GPM6A: variants seen among roughly 807,000 people sequenced by gnomAD.
GPM6A encodes the protein glycoprotein M6A.
In GPM6A, 7 loss-of-function variants were observed where a neutral mutation model predicts 32.1. That is an observed-to-expected ratio of 0.22 (90% CI 0.12 to 0.41). The LOEUF (loss-of-function observed/expected upper bound fraction) is 0.41. Ranked by LOEUF, GPM6A falls within the 10% of genes least tolerant of loss-of-function variation. The pLI is 1.00. For synonymous variants in GPM6A, 130 were observed against 123.4 expected (o/e 1.05, Z -0.35); for missense variants, 235 against 347.2 (o/e 0.68, Z 2.57).
At chr4:175,728,023 AAC>A (rs1207720485) in intron 1 of GPM6A, among the ~76,000 whole-genome samples, 1 of 151,496 alleles carries the variant, frequency 6.6e-6, no homozygotes, top group African/African-American at 2.4e-5. Flanking sequence ...AAAAAAAAAA[AAC>A]TTACCGGTTT....
chr4:175,867,931 G>A (rs1736791314), intron 1 of GPM6A, among the ~76,000 whole-genome samples: 1 of 152,172 alleles, frequency 6.6e-6, no homozygotes, highest in Non-Finnish European at 1.5e-5. Context: ...GTGCTCTCAT[G>A]TATTTCAAAA....
rs1244381431 is a variant in GPM6A, at chr4:175,881,294, A to G, written c.-22-69045T>C. 2.0e-5 allele frequency among the ~76,000 whole-genome samples: 3 copies of G among 152,348 alleles called. No homozygotes were observed. In the East Asian group the frequency reaches 5.8e-4, roughly 29 times the overall value. On this transcript the variant is annotated intron_variant, in intron 1 of 7. Coordinates refer to the GPM6A transcript ENST00000280187. ...AAATGCAAATCAAAACCACAGTGAG[A>G]TATCATCTCACACCAGTTAGAATGG...
intron 1 of GPM6A, among the ~76,000 whole-genome samples, chr4:175,964,035 G>GA (rs200974389): frequency 3.8e-4 from 55 of 144,194 alleles, no homozygotes; most frequent in African/African-American, 8.2e-4. Flanking sequence ...TAAGAGAGAA[G>GA]AAAAAAAAAT....
At position 175,905,380 on chromosome 4, in the gene GPM6A, A is replaced by AT. The variant is rs374256577; in HGVS notation, c.-22-93132dup. 7.9e-4 allele frequency among the ~76,000 whole-genome samples: 119 copies of AT among 149,868 alleles called. 1 individual carries two copies. The highest frequency in any genetic ancestry group is 1.8e-3 in the East Asian group (9 of 5,122). ...TTAAAAGGTTCTAAGTTTTTTTGTG[A>AT]TTTTTTTTTTCTCATCAGCTATTGT... On this transcript the variant is annotated intron_variant, in intron 1 of 7. Coordinates refer to the GPM6A transcript ENST00000280187.
At position 175,839,613 on chromosome 4, in the gene GPM6A, T is replaced by A. The variant is rs182986485; in HGVS notation, c.-22-27364A>T. 5.1e-3 allele frequency among the ~76,000 whole-genome samples: 775 copies of A among 152,206 alleles called. 7 individuals are homozygous for A. Among genetic ancestry groups the A allele is most frequent in the African/African-American group, 0.017 (715 of 41,552 alleles). On this transcript the variant is annotated intron_variant, in intron 1 of 7. Transcript: ENST00000280187. ...TCAAAAATAAAAAACACTTTTTTTT[T>A]AAAATGAGAAAATATAATTTGAACA...
intron 2 of GPM6A, among the ~76,000 whole-genome samples, chr4:175,686,734 T>C (rs1156278967): frequency 6.6e-6 from 1 of 152,246 alleles, no homozygotes; most frequent in Non-Finnish European, 1.5e-5. Flanking sequence ...AGTTTGTGGC[T>C]ATATGTTATG....
At chr4:175,963,542 G>A (rs1189988155) in intron 1 of GPM6A, among the ~76,000 whole-genome samples, 1 of 151,924 alleles carries the variant, frequency 6.6e-6, no homozygotes, top group African/African-American at 2.4e-5. Flanking sequence ...CACCCACCTA[G>A]AAAAAATTGT....
At chr4:175,973,953 C>G (rs1464976659) in intron 1 of GPM6A, among the ~76,000 whole-genome samples, 1 of 152,110 alleles carries the variant, frequency 6.6e-6, no homozygotes, top group African/African-American at 2.4e-5. Context: ...AACAGCCTGG[C>G]CTGGCACAGT....
At chr4:175,857,726 T>A (rs1304583868) in intron 1 of GPM6A, among the ~76,000 whole-genome samples, 1 of 151,538 alleles carries the variant, frequency 6.6e-6, no homozygotes, top group African/African-American at 2.4e-5. Flanking sequence ...CTGATAAAGA[T>A]TTTCTGAAAA....
chr4:175,690,006 C>G (rs1447378383), intron 2 of GPM6A, among the ~76,000 whole-genome samples: 1 of 152,198 alleles, frequency 6.6e-6, no homozygotes, highest in Non-Finnish European at 1.5e-5. Flanking sequence ...TAAGATTGCT[C>G]TTGTCCCCTG....
At chr4:176,001,355 G>A (rs146891376) in intron 1 of GPM6A, among the ~76,000 whole-genome samples, 1,613 of 152,284 alleles carry the variant, frequency 0.011, 8 homozygotes, top group Non-Finnish European at 0.017. Flanking sequence ...CGGCAACCGC[G>A]GAAGAGCAGC....
chr4:175,836,145 A>G (rs950831603), intron 1 of GPM6A, among the ~76,000 whole-genome samples: 3 of 152,102 alleles, frequency 2.0e-5, no homozygotes, highest in Non-Finnish European at 4.4e-5. Flanking sequence ...TCTCTACCCA[A>G]TTATGCTCTG....
chr4:175,992,218 A>T (rs1741172358), intron 1 of GPM6A, among the ~76,000 whole-genome samples: 1 of 152,154 alleles, frequency 6.6e-6, no homozygotes, highest in African/African-American at 2.4e-5. Context: ...ATGAGTTACA[A>T]GTAATGTGCG....
chr4:175,638,640 T>G (rs1343237063), intron 6 of GPM6A, among the ~76,000 whole-genome samples: 1 of 152,144 alleles, frequency 6.6e-6, no homozygotes, highest in Non-Finnish European at 1.5e-5. Flanking sequence ...TATACCTGTA[T>G]TTTTAGACAG....
At chr4:175,957,661 A>G (rs1354647233) in intron 1 of GPM6A, among the ~76,000 whole-genome samples, 3 of 152,196 alleles carry the variant, frequency 2.0e-5, no homozygotes, top group Non-Finnish European at 2.9e-5. Context: ...GTGTATACCT[A>G]TGTAACAAAC....
At chr4:175,996,961 G>C (rs752248259) in intron 1 of GPM6A, among the ~76,000 whole-genome samples, 16 of 151,864 alleles carry the variant, frequency 1.1e-4, no homozygotes, top group Non-Finnish European at 2.2e-4. Flanking sequence ...GGGTTTTTTG[G>C]AACATTCATT....
At chr4:175,897,902 C>T (rs1391807056) in intron 1 of GPM6A, among the ~76,000 whole-genome samples, 1 of 152,096 alleles carries the variant, frequency 6.6e-6, no homozygotes, top group East Asian at 1.9e-4. Context: ...ATTAGAATCC[C>T]TCTTCTCTTG....
At chr4:175,771,374 C>A (rs569060111) in intron 1 of GPM6A, among the ~76,000 whole-genome samples, 1 of 151,954 alleles carries the variant, frequency 6.6e-6, no homozygotes, top group African/African-American at 2.4e-5. Context: ...GAGATTGAGA[C>A]CTTCCTGGCC....
chr4:175,640,679 T>C, intron 5 of GPM6A, 74 bp downstream of exon 5: 1 of 1,008,578 alleles, frequency 9.9e-7, no homozygotes, highest in Non-Finnish European at 1.5e-6. Flanking sequence ...TAGATTTAGT[T>C]TTAATACATT....
Sources: allele counts gnomAD v4.1 joint callset (sites outside exome capture counted in the v4.1 genomes callset), GRCh38; gene constraint gnomAD v4.1.1; transcripts MANE v1.5; gene names NCBI Gene and HGNC (gene_info 2026-07-23, HGNC 2026-07-21).